Variants in GOLGA4 observed in about 807,000 individuals in gnomAD.
GOLGA4 encodes golgin subfamily A member 4.
Under a neutral mutation model 265.9 loss-of-function variants are expected in GOLGA4, and 169 were observed. The ratio of observed to expected loss-of-function variants is 0.64; its 90% CI spans 0.56 to 0.72. The LOEUF is 0.72. Among genes scored for constraint, GOLGA4 ranks in the 30% least tolerant of loss-of-function variants. The probability of loss-of-function intolerance (pLI) is 0.00; values close to 1 mark genes in which losing one functional copy is unlikely to be tolerated. For missense variants in GOLGA4, 2,482 were observed against 2,483.4 expected (o/e 1.00, Z 0.01); for synonymous variants, 923 against 855.8 (o/e 1.08, Z -1.37).
intron 1 of GOLGA4, chr3:37,249,701 G>A (rs2096728789): frequency 6.6e-6 from 1 of 152,158 alleles, no homozygotes; most frequent in Non-Finnish European, 1.5e-5. Flanking sequence ...CTTTTAGAAG[G>A]TGTTGGAGTT....
At chr3:37,270,319 C>T (rs1553873803) in intron 2 of GOLGA4, among the ~76,000 whole-genome samples, 1 of 151,146 alleles carries the variant, frequency 6.6e-6, no homozygotes, top group Non-Finnish European at 1.5e-5. Context: ...GATTCTCCTG[C>T]CTCAGCCTCC....
rs759587525 is a variant in GOLGA4, at chr3:37,324,091, A to G, written c.2205A>G (p.Gln735=). Residue 735 remains glutamine, a synonymous_variant, in exon 14 of 24, where the codon CAA becomes CAG. Coordinates refer to ENST00000361924, the MANE Select transcript of GOLGA4 (RefSeq NM_002078.5). ...MDEQKNHHQQ[Q]VDSIIKEHEV... Reference sequence around the variant, plus strand: ...AACAGAAAAATCATCACCAGCAGCAAGTTGACAGTATCATTAAAGAACACG... The same window carrying G: ...AACAGAAAAATCATCACCAGCAGCAGGTTGACAGTATCATTAAAGAACACG... The G allele has an allele frequency of 1.9e-6, 3 of 1,614,028 alleles. No individual in the cohort carries two copies. The highest frequency in any genetic ancestry group is 2.5e-6 in the Non-Finnish European group (3 of 1,180,044).
At chr3:37,270,913 G>A (rs2096796966) in intron 2 of GOLGA4, among the ~76,000 whole-genome samples, 1 of 151,892 alleles carries the variant, frequency 6.6e-6, no homozygotes, top group African/African-American at 2.4e-5. Context: ...AGAATCAGTG[G>A]GAGCCCTGAG....
rs1390162499 is a variant in GOLGA4, at chr3:37,243,319, T to TG, written c.-226dup. Reference sequence around the variant, plus strand: ...CGCCGCCGCGGCTCCCGGGGCTGGATGGGGGGCCGAGGCCAGCCAGTGGCA... The same window carrying TG: ...CGCCGCCGCGGCTCCCGGGGCTGGATGGGGGGGCCGAGGCCAGCCAGTGGCA... On this transcript the variant is annotated 5_prime_UTR_variant, in exon 1 of 24. It removes the in-frame stop codon of an upstream open reading frame in the 5' UTR. Coordinates refer to ENST00000361924, the MANE Select transcript of GOLGA4 (RefSeq NM_002078.5). The TG allele has an allele frequency of 1.8e-6, 1 of 559,602 alleles. No individual in the cohort carries two copies. Among genetic ancestry groups the TG allele is most frequent in the Non-Finnish European group, 3.2e-6 (1 of 313,626 alleles). 34.7% of individuals were successfully genotyped at this position (559,602 alleles called of 1,614,324 possible).
intron 5 of GOLGA4, among the ~76,000 whole-genome samples, chr3:37,294,246 A>G (rs1294521623): frequency 1.3e-5 from 2 of 152,158 alleles, no homozygotes; most frequent in Non-Finnish European, 2.9e-5. Context: ...GGTTTCGACT[A>G]TCAGACACTT....
At chr3:37,319,276 G>A in intron 12 of GOLGA4, 82 bp downstream of exon 12, 1 of 1,156,322 alleles carries the variant, frequency 8.6e-7, no homozygotes, top group African/African-American at 1.6e-5. Flanking sequence ...TTGCATTCCA[G>A]TTGGAAGTCA....
intron 3 of GOLGA4, among the ~76,000 whole-genome samples, chr3:37,283,864 C>G (rs1048780497): frequency 6.6e-6 from 1 of 152,086 alleles, no homozygotes. Context: ...TAATATTGTA[C>G]CATTCCCGTA....
At chr3:37,288,778 GGTTT>G (rs1376420952) in intron 4 of GOLGA4, among the ~76,000 whole-genome samples, 1 of 151,976 alleles carries the variant, frequency 6.6e-6, no homozygotes, top group Non-Finnish European at 1.5e-5. Flanking sequence ...GCGCCCGGCT[GGTTT>G]TGTTTTTTTA....
chr3:37,324,952 A>T lies in GOLGA4; in HGVS notation c.3066A>T (p.Glu1022Asp), dbSNP rs1326472350. Residue 1022 changes from glutamate to aspartate, a missense_variant, in exon 14 of 24, where the codon GAA becomes GAT. Transcript: ENST00000361924. ...TCAGTGATGCAGTGTCAAGACTGGA[A>T]ACAAACCAAAAAGAACAAATAGAAA... ...AGISDAVSRL[E>D]TNQKEQIESL... is the part of the protein sequence containing the mutation. 1 of 1,613,618 alleles carries T rather than the reference A, an allele frequency of 6.2e-7. No homozygotes were observed. The highest frequency in any genetic ancestry group is 1.7e-5 in the Admixed American group (1 of 59,932).
At chr3:37,337,897 A>C (rs981430575) in intron 19 of GOLGA4, among the ~76,000 whole-genome samples, 163 bp downstream of exon 19, 1 of 152,230 alleles carries the variant, frequency 6.6e-6, no homozygotes, top group African/African-American at 2.4e-5. Flanking sequence ...CTCTAAATTC[A>C]TGATCATATA....
chr3:37,365,547 C>T (rs1317050495), intron 23 of GOLGA4, among the ~76,000 whole-genome samples: 3 of 152,114 alleles, frequency 2.0e-5, no homozygotes, highest in Non-Finnish European at 4.4e-5. Flanking sequence ...GGATTATAGG[C>T]ATGAGCCACT....
chr3:37,282,372 A>C, intron 3 of GOLGA4, 100 bp downstream of exon 3: 1 of 820,292 alleles, frequency 1.2e-6, no homozygotes, highest in Non-Finnish European at 2.0e-6. Context: ...TAAACTGTTA[A>C]TTCTCTGGAT....
In GOLGA4 at chr3:37,265,149, A is replaced by G. The variant is rs548134360; in HGVS notation, c.162+13665A>G. On this transcript the variant is annotated intron_variant, in intron 2 of 23. Coordinates refer to ENST00000361924, the MANE Select transcript of GOLGA4 (RefSeq NM_002078.5). ...TGTGTGTGTGTGTGTGTGTGTGTGT[A>G]TAATTCTATACAATTTTATTATGTG... Among the ~76,000 whole-genome samples the G allele has an allele frequency of 6.6e-3, 839 of 126,218 alleles. 5 individuals are homozygous for G. The highest frequency in any genetic ancestry group is 0.024 in the African/African-American group (805 of 34,156). 82.8% of individuals were successfully genotyped at this position (126,218 alleles called of 152,430 possible).
chr3:37,335,369 TGTG>T (rs1355582374), intron 17 of GOLGA4, among the ~76,000 whole-genome samples: 9 of 152,350 alleles, frequency 5.9e-5, no homozygotes, highest in Non-Finnish European at 1.0e-4. Flanking sequence ...CAATAAGTGT[TGTG>T]GTGAGGATTT....
At chr3:37,280,358 T>G (rs1232369897) in intron 2 of GOLGA4, among the ~76,000 whole-genome samples, 1 of 152,226 alleles carries the variant, frequency 6.6e-6, no homozygotes, top group Non-Finnish European at 1.5e-5. Flanking sequence ...TTCTGACGGT[T>G]CAGTGTACAC....
intron 1 of GOLGA4, among the ~76,000 whole-genome samples, chr3:37,246,616 A>G (rs1397227469): frequency 6.6e-6 from 1 of 152,160 alleles, no homozygotes; most frequent in African/African-American, 2.4e-5. Context: ...TGGAGAGAGG[A>G]GAGAATGGGG....
At chr3:37,364,010 C>A (rs1207042621) in intron 23 of GOLGA4, among the ~76,000 whole-genome samples, 1 of 152,034 alleles carries the variant, frequency 6.6e-6, no homozygotes, top group African/African-American at 2.4e-5. Flanking sequence ...TCTTTAGGTT[C>A]CTAGGACCAA....
At chr3:37,315,652 AT>A in intron 11 of GOLGA4, 54 bp downstream of exon 11, 10 of 1,394,272 alleles carry the variant, frequency 7.2e-6, no homozygotes, top group Non-Finnish European at 1.0e-5. Context: ...ATTTAAGTGT[AT>A]TTTTCCTTAC....
intron 2 of GOLGA4, among the ~76,000 whole-genome samples, chr3:37,252,206 T>C (rs2096735810): frequency 6.6e-6 from 1 of 151,962 alleles, no homozygotes; most frequent in Admixed American, 6.5e-5. Flanking sequence ...CAGCAAATTA[T>C]CATGAAGTGA....
Sources: allele counts gnomAD v4.1 joint callset (sites outside exome capture counted in the v4.1 genomes callset), GRCh38; gene constraint gnomAD v4.1.1; transcripts MANE v1.5; gene names NCBI Gene and HGNC (gene_info 2026-07-23, HGNC 2026-07-21).